Variants in TTC7B observed in about 807,000 individuals in gnomAD.
TTC7B encodes tetratricopeptide repeat domain 7B.
TTC7B carries 28 observed loss-of-function variants against 106.8 expected under a neutral mutation model. The observed-to-expected ratio is 0.26, with a 90% CI of 0.19 to 0.36. The LOEUF (loss-of-function observed/expected upper bound fraction) is 0.36, where lower values mean the gene tolerates loss of function less well. Among genes scored for constraint, TTC7B ranks in the 10% least tolerant of loss-of-function variants. The pLI, the probability that TTC7B is intolerant of heterozygous loss-of-function variation, is 1.00. For missense variants in TTC7B, 862 were observed against 1,076.4 expected (o/e 0.80, Z 2.79); for synonymous variants, 405 against 430.6 (o/e 0.94, Z 0.74).
rs77468409 is a variant in TTC7B, at chr14:90,532,223, C to T, written c.*9145G>A. ...AAACTACATAAAACTATTTGTAAAA[C>T]TATATAAAACTACATAAAAATATTT... On this transcript the variant is annotated 3_prime_UTR_variant, in exon 20 of 20. Transcript: ENST00000328459. 190 of 152,298 alleles carry T rather than the reference C, an allele frequency of 1.2e-3. No individual in the cohort carries two copies. The highest frequency in any genetic ancestry group is 4.4e-3 in the African/African-American group (183 of 41,556). 9.4% of individuals were successfully genotyped at this position (152,298 alleles called of 1,614,324 possible). A position where few individuals can be genotyped will look rare whatever the true frequency, so the allele number is the denominator to read the frequency against.
intron 19 of TTC7B, among the ~76,000 whole-genome samples, chr14:90,549,434 T>C (rs551910945): frequency 1.1e-4 from 17 of 152,350 alleles, no homozygotes; most frequent in African/African-American, 4.1e-4. Context: ...GGAAAGCCCA[T>C]CATCCCACCT....
chr14:90,533,934 G>A lies in TTC7B; in HGVS notation c.*7434C>T, dbSNP rs1196318814. 1 of 152,412 alleles carries A rather than the reference G, an allele frequency of 6.6e-6. No individual in the cohort carries two copies. Among genetic ancestry groups the A allele is most frequent in the Non-Finnish European group, 1.5e-5 (1 of 68,168 alleles). The allele number at this position is 152,412 out of a possible 1,614,324, so 9.4% of individuals were successfully genotyped here. ...CTGAGGCCCTGTGTGGTGGTCCTGA[G>A]GGGCGGTAGCCCTCGTGTCCCCTAC... On this transcript the variant is annotated 3_prime_UTR_variant, in exon 20 of 20. Transcript: ENST00000328459.
intron 9 of TTC7B, chr14:90,675,758 G>C (rs571640471): frequency 1.2e-4 from 19 of 152,020 alleles, no homozygotes; most frequent in African/African-American, 4.1e-4. Flanking sequence ...TATAAATTTA[G>C]AAAGAGAAAG....
At chr14:90,781,018 C>A (rs1217316307) in intron 2 of TTC7B, 112 bp from the exon 3 acceptor site, 2 of 924,864 alleles carry the variant, frequency 2.2e-6, no homozygotes, top group Non-Finnish European at 3.4e-6. Flanking sequence ...CGCACAAGAG[C>A]TTGGACGTGA....
chr14:90,586,510 T>C (rs112768656), intron 18 of TTC7B, among the ~76,000 whole-genome samples: 314 of 152,226 alleles, frequency 2.1e-3, no homozygotes, highest in African/African-American at 7.3e-3. Flanking sequence ...CCTCAGGTGA[T>C]TGACCCGCCT....
intron 13 of TTC7B, among the ~76,000 whole-genome samples, chr14:90,650,068 C>G (rs147021224): frequency 6.6e-6 from 1 of 152,214 alleles, no homozygotes; most frequent in Admixed American, 6.5e-5. Flanking sequence ...TAACCCAGGG[C>G]TCTCTTAGAT....
At chr14:90,547,304 T>G (rs1889878512) in intron 19 of TTC7B, among the ~76,000 whole-genome samples, 1 of 152,274 alleles carries the variant, frequency 6.6e-6, no homozygotes, top group Non-Finnish European at 1.5e-5. Context: ...TTGGCCAGTT[T>G]CAGAGCAATT....
At chr14:90,791,705 T>G (rs1407612491) in intron 1 of TTC7B, among the ~76,000 whole-genome samples, 1 of 152,030 alleles carries the variant, frequency 6.6e-6, no homozygotes, top group South Asian at 2.1e-4. Flanking sequence ...AGGCTGGACC[T>G]TGGCAGTGCT....
chr14:90,593,767 G>T (rs924675814), intron 17 of TTC7B, 141 bp from the exon 18 acceptor site: 1 of 858,332 alleles, frequency 1.2e-6, no homozygotes, highest in Non-Finnish European at 1.6e-6. Context: ...ACAGAGAAAC[G>T]CGGGCAATCA....
chr14:90,814,054 T>G (rs1169509115), intron 1 of TTC7B, among the ~76,000 whole-genome samples: 2 of 152,234 alleles, frequency 1.3e-5, no homozygotes, highest in Admixed American at 1.3e-4. Context: ...TTGCCATCAA[T>G]GGCTACCACT....
chr14:90,593,720 A>C, intron 17 of TTC7B, 94 bp from the exon 18 acceptor site: 1 of 1,214,720 alleles, frequency 8.2e-7, no homozygotes, highest in Admixed American at 2.7e-5. Context: ...GAACACACAC[A>C]CCCCTTCCCC....
rs1480805639 is a variant in TTC7B at position 90,575,365 on chromosome 14, T to C, written c.2310+2741A>G. On this transcript the variant is annotated intron_variant, in intron 19 of 19. Transcript: ENST00000328459. This position sits in a 1 kb window ranked among gnomAD's most constrained non-coding sequence, Gnocchi z 5.2. ...GCGAATGGGGCCAGAGCTGTGATTC[T>C]AACCCAGGCCAGCCTGGCTCCAGGG... Among the ~76,000 whole-genome samples, 1 of 152,248 alleles carries C rather than the reference T, an allele frequency of 6.6e-6. No homozygotes were observed. The highest frequency in any genetic ancestry group is 2.4e-5 in the African/African-American group (1 of 41,468).
intron 5 of TTC7B, among the ~76,000 whole-genome samples, chr14:90,714,606 G>A (rs545423750): frequency 6.6e-6 from 1 of 152,006 alleles, no homozygotes; most frequent in East Asian, 1.9e-4. Flanking sequence ...ACAGGCGGCT[G>A]TCACCAAGCC....
chr14:90,705,662 G>C (rs1249416082), intron 5 of TTC7B, among the ~76,000 whole-genome samples: 4 of 152,066 alleles, frequency 2.6e-5, no homozygotes, highest in Non-Finnish European at 5.9e-5. Context: ...AAAAAATAAA[G>C]ACACCGCCAT....
At chr14:90,744,682 T>C in intron 4 of TTC7B, 110 bp downstream of exon 4, 1 of 1,165,584 alleles carries the variant, frequency 8.6e-7, no homozygotes. Flanking sequence ...AAGTAAAGCT[T>C]TGCACACAGA....
intron 19 of TTC7B, among the ~76,000 whole-genome samples, chr14:90,544,898 C>T (rs1422576677): frequency 1.3e-5 from 2 of 152,200 alleles, no homozygotes; most frequent in African/African-American, 4.8e-5. Flanking sequence ...AGCAGTAAGC[C>T]ACTGTGCTTA....
chr14:90,609,629 G>A (rs2139840426), intron 17 of TTC7B, among the ~76,000 whole-genome samples: 1 of 152,312 alleles, frequency 6.6e-6, no homozygotes, highest in Non-Finnish European at 1.5e-5. Context: ...CGTGGTCCCT[G>A]TCATGCAGCC....
In TTC7B at chr14:90,577,981, C is replaced by A; in HGVS notation, c.2310+125G>T. 1 of 1,211,732 alleles carries A rather than the reference C, an allele frequency of 8.3e-7. No homozygotes were observed. The allele number at this position is 1,211,732 out of a possible 1,614,324, so 75.1% of individuals were successfully genotyped here. On this transcript the variant is annotated intron_variant, in intron 19 of 19. Transcript: ENST00000328459. This position sits in a 1 kb window ranked among gnomAD's most constrained non-coding sequence, Gnocchi z 5.0. ...CCTCTGGCTTCAGGCCATGTGACAG[C>A]CTGGCAAGCTAACTGCATGGGGCCT...
rs1889482361 is a variant in TTC7B at position 90,538,762 on chromosome 14, G to A, written c.*2606C>T. 1 of 152,142 alleles carries A rather than the reference G, an allele frequency of 6.6e-6. No homozygotes were observed. The highest frequency in any genetic ancestry group is 2.1e-4 in the South Asian group (1 of 4,830). The allele number at this position is 152,142 out of a possible 1,614,324, so 9.4% of individuals were successfully genotyped here. ...CCTGCATTTCTTAGGTACCTTTTAG[G>A]TAGAAGTGATGGAAACCCCTGTGCT... On this transcript the variant is annotated 3_prime_UTR_variant, in exon 20 of 20. Transcript: ENST00000328459.
Sources: gnomAD v4.1 joint callset for allele counts (sites outside exome capture counted in the v4.1 genomes callset) on GRCh38, gnomAD v4.1.1 for gene constraint, Gnocchi (gnomAD v3.1) non-coding constraint, MANE v1.5 for transcripts, NCBI Gene and HGNC (gene_info 2026-07-23, HGNC 2026-07-21) for gene names.